The following BAZ1A variants were observed in gnomAD, a reference collection of about 807,000 sequenced individuals.
BAZ1A encodes bromodomain adjacent to zinc finger domain 1A.
BAZ1A carries 50 observed loss-of-function variants against 185.2 expected under a neutral mutation model. The ratio of observed to expected loss-of-function variants is 0.27; its 90% CI spans 0.22 to 0.34. The LOEUF (loss-of-function observed/expected upper bound fraction) is 0.34. BAZ1A is among the 10% of genes least tolerant of loss of function. The pLI is 1.00. For synonymous variants in BAZ1A, 571 were observed against 615.6 expected (o/e 0.93, Z 1.07); for missense variants, 1,356 against 1,839.9 (o/e 0.74, Z 4.81).
intron 6 of BAZ1A, 82 bp downstream of exon 6, chr14:34,807,369 A>G: frequency 1.1e-6 from 1 of 951,016 alleles, no homozygotes; most frequent in Non-Finnish European, 1.5e-6. Flanking sequence ...TCTTTGAAAT[A>G]ACATTTCAGC....
chr14:34,793,247 G>C (rs1252485624), intron 11 of BAZ1A, among the ~76,000 whole-genome samples: 2 of 152,112 alleles, frequency 1.3e-5, no homozygotes, highest in African/African-American at 4.8e-5. Context: ...TCTGAACAAT[G>C]CAAATATTTG....
intron 3 of BAZ1A, among the ~76,000 whole-genome samples, chr14:34,852,550 C>T (rs762043152): frequency 2.0e-5 from 3 of 151,718 alleles, no homozygotes; most frequent in South Asian, 4.2e-4. Flanking sequence ...GCCTGGGAGT[C>T]GGAAGTCGCA....
At chr14:34,854,340 T>C (rs2042641636) in intron 3 of BAZ1A, among the ~76,000 whole-genome samples, 1 of 152,072 alleles carries the variant, frequency 6.6e-6, no homozygotes, top group Non-Finnish European at 1.5e-5. Flanking sequence ...GAAATTCGCT[T>C]GAACCCGGGA....
At chr14:34,785,223 T>TA (rs961063020) in intron 14 of BAZ1A, among the ~76,000 whole-genome samples, 33 of 152,126 alleles carry the variant, frequency 2.2e-4, no homozygotes, top group African/African-American at 7.0e-4. Context: ...TCACATGAAT[T>TA]AAAAAAAGAC....
intron 2 of BAZ1A, among the ~76,000 whole-genome samples, chr14:34,872,913 TAAAAAAAAAAAAA>T (rs35955993): frequency 1.2e-4 from 9 of 76,180 alleles, no homozygotes; most frequent in Admixed American, 7.0e-4. Flanking sequence ...TTTAAAATCC[TAAAAAAAAAAAAA>T]AAAAAAAAAA....
rs961895425 is a variant in BAZ1A at position 34,874,970 on chromosome 14, CCCG to C, written c.-59+165_-59+167del. 6.0e-5 allele frequency: 9 copies of C among 149,714 alleles called. No homozygotes were observed. Among genetic ancestry groups the C allele is most frequent in the Admixed American group, 6.7e-5 (1 of 15,004 alleles). 9.3% of individuals were successfully genotyped at this position (149,714 alleles called of 1,614,324 possible). On this transcript the variant is annotated intron_variant, in intron 1 of 26. Transcript: ENST00000360310. The surrounding 1 kb of genome is among the most constrained non-coding windows in gnomAD (Gnocchi z 4.7). ...CCCCTCCCCCAGCGCCGGCTCCTCG[CCCG>C]CCGCCGCCGCCAGGCTCACAACGTG...
chr14:34,845,856 T>G (rs1203589259), intron 3 of BAZ1A, among the ~76,000 whole-genome samples: 2 of 98,344 alleles, frequency 2.0e-5, no homozygotes, highest in East Asian at 5.0e-4. Flanking sequence ...CAAGACTCTG[T>G]CTCAAAAAAA....
intron 3 of BAZ1A, among the ~76,000 whole-genome samples, chr14:34,834,811 T>C (rs560034024): frequency 1.3e-5 from 2 of 152,224 alleles, no homozygotes; most frequent in Non-Finnish European, 2.9e-5. Context: ...TTTACAGGGG[T>C]GTATGTAAAA....
At chr14:34,838,876 G>A (rs559602511) in intron 3 of BAZ1A, among the ~76,000 whole-genome samples, 1 of 152,100 alleles carries the variant, frequency 6.6e-6, no homozygotes, top group East Asian at 1.9e-4. Context: ...TCGCAAAAAA[G>A]GTTTAATTTT....
chr14:34,793,122 A>G (rs1880957775), intron 11 of BAZ1A, among the ~76,000 whole-genome samples: 1 of 152,230 alleles, frequency 6.6e-6, no homozygotes, highest in Non-Finnish European at 1.5e-5. Flanking sequence ...ATCGTAAGCC[A>G]AAGTCACCTC....
At chr14:34,844,572 T>C (rs1446308290) in intron 3 of BAZ1A, among the ~76,000 whole-genome samples, 1 of 150,856 alleles carries the variant, frequency 6.6e-6, no homozygotes, top group Non-Finnish European at 1.5e-5. Context: ...AGCCCAGGAG[T>C]TTGAGACCAG....
intron 2 of BAZ1A, among the ~76,000 whole-genome samples, chr14:34,867,414 G>A (rs182197326): frequency 6.6e-6 from 1 of 152,300 alleles, no homozygotes; most frequent in Admixed American, 6.5e-5. Flanking sequence ...CTAAGTGCCT[G>A]AGGTATTGAG....
In BAZ1A at chr14:34,753,205, G is replaced by T; in HGVS notation, c.*303C>A. 1 of 256,488 alleles carries T rather than the reference G, an allele frequency of 3.9e-6. No homozygotes were observed. Among genetic ancestry groups the T allele is most frequent in the Non-Finnish European group, 7.4e-6 (1 of 134,570 alleles). The allele number at this position is 256,488 out of a possible 1,614,324, so 15.9% of individuals were successfully genotyped here. On this transcript the variant is annotated 3_prime_UTR_variant, in exon 27 of 27. Transcript: ENST00000360310. ...AAAATCATCAATAACAAAATAAATCGTGGGTGAAAAAATATTTTCCAAGAT... is the reference window on the plus strand; with the variant it reads ...AAAATCATCAATAACAAAATAAATCTTGGGTGAAAAAATATTTTCCAAGAT...
At chr14:34,858,143 G>A (rs1388777824) in intron 3 of BAZ1A, among the ~76,000 whole-genome samples, 3 of 151,960 alleles carry the variant, frequency 2.0e-5, no homozygotes, top group Non-Finnish European at 4.4e-5. Flanking sequence ...ATAGTGCCAA[G>A]GTGAACAAAA....
At chr14:34,835,152 C>G (rs1458415175) in intron 3 of BAZ1A, among the ~76,000 whole-genome samples, 1 of 151,870 alleles carries the variant, frequency 6.6e-6, no homozygotes, top group Non-Finnish European at 1.5e-5. Context: ...ACCCCTGCCT[C>G]CTGGGTTCAA....
chr14:34,783,188 T>C lies in BAZ1A; in HGVS notation c.2042A>G (p.Lys681Arg). 2 of 1,602,156 alleles carry C rather than the reference T, an allele frequency of 1.2e-6. No individual in the cohort carries two copies. The highest frequency in any genetic ancestry group is 1.7e-6 in the Non-Finnish European group (2 of 1,172,914). Residue 681 changes from lysine to arginine, a missense_variant, in exon 16 of 27, where the codon AAA (lysine) becomes AGA (arginine). Lys to Arg is a conservative substitution (Grantham distance 26). Coordinates refer to ENST00000360310, the MANE Select transcript of BAZ1A (RefSeq NM_013448.3). ...CAGTTTTTCTTGTTTCTCTTTCATT[T>C]TTTGTTCTTGCTCCTTAAGTTTTTC... is the stretch of plus-strand genomic sequence containing the variant. ...KEEKLKEQEQ[K>R]MKEKQEKLKE...
intron 4 of BAZ1A, among the ~76,000 whole-genome samples, chr14:34,815,041 C>G (rs2138686794): frequency 6.6e-6 from 1 of 152,282 alleles, no homozygotes; most frequent in South Asian, 2.1e-4. Flanking sequence ...TCCCAAAGTG[C>G]TGGGATTACA....
intron 2 of BAZ1A, among the ~76,000 whole-genome samples, chr14:34,862,743 C>CT (rs1410086397): frequency 2.0e-5 from 3 of 150,008 alleles, no homozygotes; most frequent in African/African-American, 7.4e-5. Context: ...TTGATCTCTC[C>CT]TGTATTTTCT....
At chr14:34,812,709 G>A (rs2041947203) in intron 4 of BAZ1A, among the ~76,000 whole-genome samples, 1 of 152,084 alleles carries the variant, frequency 6.6e-6, no homozygotes, top group Non-Finnish European at 1.5e-5. Flanking sequence ...AAAATGATAT[G>A]GTAAGATGAT....
Sources: allele counts gnomAD v4.1 joint callset (sites outside exome capture counted in the v4.1 genomes callset), GRCh38; gene constraint gnomAD v4.1.1; non-coding constraint Gnocchi (gnomAD v3.1); transcripts MANE v1.5; gene names NCBI Gene and HGNC (gene_info 2026-07-23, HGNC 2026-07-21).